PAK1: variants seen among roughly 807,000 people sequenced by gnomAD.
PAK1 encodes serine/threonine-protein kinase PAK 1.
Under a neutral mutation model 67.4 loss-of-function variants are expected in PAK1, and 29 were observed. The ratio of observed to expected loss-of-function variants is 0.43; its 90% CI spans 0.32 to 0.59. The LOEUF (loss-of-function observed/expected upper bound fraction) is 0.59. Among genes scored for constraint, PAK1 ranks in the 20% least tolerant of loss-of-function variants. The pLI is 0.07. For synonymous variants in PAK1, 223 were observed against 237.4 expected (o/e 0.94, Z 0.56); for missense variants, 337 against 670.7 (o/e 0.50, Z 5.50).
At chr11:77,474,202 T>TG (rs1555176207), upstream of PAK1, 1 of 146,960 alleles carries the variant, frequency 6.8e-6, no homozygotes, top group Non-Finnish European at 1.5e-5. Context: ...CCTCCCCCAC[T>TG]CCCCCTCCCC....
At chr11:77,474,657 TTA>T (rs1402614368), upstream of PAK1, 4 of 152,208 alleles carry the variant, frequency 2.6e-5, no homozygotes, top group African/African-American at 9.7e-5. Context: ...CAGACATGTA[TTA>T]TGTTTTCTTT....
chr11:77,322,838 T>C lies in PAK1; in HGVS notation c.*436A>G, dbSNP rs1465898542. The C allele has an allele frequency of 2.2e-6, 1 of 454,738 alleles. No individual in the cohort carries two copies. Among genetic ancestry groups the C allele is most frequent in the Non-Finnish European group, 3.9e-6 (1 of 254,632 alleles). 28.2% of individuals were successfully genotyped at this position (454,738 alleles called of 1,614,324 possible). ...GTTCCAGTTTTCAAGTACAATGAGG[T>C]GTCTGGGCAGTTGAGTCACAGAAAA... On this transcript the variant is annotated 3_prime_UTR_variant, in exon 15 of 15. Transcript: ENST00000356341.
At chr11:77,408,652 A>C (rs1248626283) in intron 1 of PAK1, among the ~76,000 whole-genome samples, 2 of 152,068 alleles carry the variant, frequency 1.3e-5, no homozygotes, top group African/African-American at 4.8e-5. Context: ...CCCCACTTTA[A>C]GGACAGTGCT....
chr11:77,508,583 G>C, the PAK1 span, among the ~76,000 whole-genome samples: 4 of 151,886 alleles, frequency 2.6e-5, no homozygotes, highest in South Asian at 4.2e-4. Context: ...GAATTTGCTC[G>C]TGGTCTCATA....
At chr11:77,328,736 G>C (rs1203037592) in intron 14 of PAK1, among the ~76,000 whole-genome samples, 1 of 152,102 alleles carries the variant, frequency 6.6e-6, no homozygotes, top group South Asian at 2.1e-4. Flanking sequence ...AGAAAAGCAA[G>C]AGCAAACACA....
chr11:77,330,357 A>T (rs2136068508), intron 14 of PAK1, among the ~76,000 whole-genome samples: 1 of 152,306 alleles, frequency 6.6e-6, no homozygotes, highest in African/African-American at 2.4e-5. Context: ...ACAAAGCTGG[A>T]GGCATCACAC....
chr11:77,428,030 C>A (rs752011073), intron 1 of PAK1, among the ~76,000 whole-genome samples: 5 of 152,066 alleles, frequency 3.3e-5, no homozygotes, highest in Non-Finnish European at 7.4e-5. Context: ...GCACAGTATA[C>A]CAAGGAACTA....
rs184773396 is a variant in PAK1, at chr11:77,336,077, A to T, written c.1413+9T>A. ...CCAAATAACTTGAAATAGAACTGGT[A>T]ACACTCACTCTCAGAGGGTTTTCAT... On this transcript the variant is annotated intron_variant, in intron 13 of 14. Coordinates refer to ENST00000356341, the MANE Select transcript of PAK1 (RefSeq NM_002576.5). The T allele has an allele frequency of 6.4e-7, 1 of 1,551,626 alleles. No homozygotes were observed. Among genetic ancestry groups the T allele is most frequent in the African/African-American group, 1.4e-5 (1 of 73,796 alleles).
chr11:77,423,400 AATAC>A (rs1209642229), intron 1 of PAK1, among the ~76,000 whole-genome samples: 1 of 101,520 alleles, frequency 9.9e-6, no homozygotes, highest in African/African-American at 4.6e-5. Context: ...GTTGCTTTCA[AATAC>A]ACACACACAC....
intron 1 of PAK1, among the ~76,000 whole-genome samples, chr11:77,447,672 C>T (rs1956678156): frequency 6.6e-6 from 1 of 151,852 alleles, no homozygotes. Context: ...TTACAGGCGC[C>T]CACCACCACG....
At chr11:77,364,500 C>T (rs1467772930) in intron 5 of PAK1, among the ~76,000 whole-genome samples, 3 of 152,196 alleles carry the variant, frequency 2.0e-5, no homozygotes, top group East Asian at 1.9e-4. Flanking sequence ...TCAATGACCA[C>T]AGACAGAGAC....
rs75547851 is a variant in PAK1, at chr11:77,421,861, T to A, written c.-21-29320A>T. ...CATTATAATAATCAGAGGTATCTAA[T>A]AATGAAATGCACAATCTCTGAGGTA... On this transcript the variant is annotated intron_variant, in intron 1 of 14. Coordinates refer to ENST00000356341, the MANE Select transcript of PAK1 (RefSeq NM_002576.5). Among the ~76,000 whole-genome samples the A allele has an allele frequency of 9.2e-5, 14 of 152,316 alleles. No homozygotes were observed. The East Asian group carries it at 2.7e-3, about 29-fold the overall frequency.
chr11:77,493,381 C>T, the PAK1 span, among the ~76,000 whole-genome samples: 4 of 146,096 alleles, frequency 2.7e-5, no homozygotes, highest in Non-Finnish European at 4.5e-5. Context: ...CAGGTTTAAG[C>T]GATTCTCGTA....
the PAK1 span, among the ~76,000 whole-genome samples, chr11:77,517,955 G>A: frequency 6.6e-6 from 1 of 152,150 alleles, no homozygotes; most frequent in Non-Finnish European, 1.5e-5. Context: ...GAGCAATGGG[G>A]AGGGGCTATA....
chr11:77,373,377 A>G (rs923425122), intron 5 of PAK1, among the ~76,000 whole-genome samples: 1 of 151,942 alleles, frequency 6.6e-6, no homozygotes, highest in African/African-American at 2.4e-5. Flanking sequence ...ACTTTTAAAA[A>G]ATTGTCTGTC....
At chr11:77,405,517 T>C (rs909650135) in intron 1 of PAK1, among the ~76,000 whole-genome samples, 8 of 151,522 alleles carry the variant, frequency 5.3e-5, no homozygotes, top group Non-Finnish European at 8.8e-5. Flanking sequence ...ATTTTGAAGG[T>C]AGAGTCAAAT....
chr11:77,483,351 T>C, the PAK1 span, among the ~76,000 whole-genome samples: 1 of 152,116 alleles, frequency 6.6e-6, no homozygotes, highest in East Asian at 1.9e-4. Flanking sequence ...TGAAAAGGAA[T>C]AGACATGCTG....
intron 1 of PAK1, among the ~76,000 whole-genome samples, chr11:77,395,440 G>C (rs1951706991): frequency 6.6e-6 from 1 of 151,904 alleles, no homozygotes; most frequent in African/African-American, 2.4e-5. Context: ...TTGCCTTTAG[G>C]AAGTTTAGTA....
At chr11:77,436,753 C>T (rs960295411) in intron 1 of PAK1, among the ~76,000 whole-genome samples, 1 of 152,196 alleles carries the variant, frequency 6.6e-6, no homozygotes, top group Non-Finnish European at 1.5e-5. Flanking sequence ...ACTTCACCAG[C>T]AAACTCCAAA....
Sources: gnomAD v4.1 joint callset for allele counts (sites outside exome capture counted in the v4.1 genomes callset) on GRCh38, gnomAD v4.1.1 for gene constraint, MANE v1.5 for transcripts, NCBI Gene and HGNC (gene_info 2026-07-23, HGNC 2026-07-21) for gene names.